The following OR52N4 variants were observed in gnomAD, a reference collection of about 807,000 sequenced individuals.
The protein encoded by OR52N4 is olfactory receptor 52N4.
OR52N4 carries 15 observed loss-of-function variants against 15.0 expected under a neutral mutation model. That is an observed-to-expected ratio of 1.00 (90% CI 0.67 to 1.54). The LOEUF (loss-of-function observed/expected upper bound fraction) is 1.54. Among genes scored for constraint, OR52N4 ranks in the 40% most tolerant of loss-of-function variants. The pLI, the probability that OR52N4 is intolerant of heterozygous loss-of-function variation, is 0.00. For synonymous variants in OR52N4, 143 were observed against 143.7 expected (o/e 1.00, Z 0.03); for missense variants, 421 against 394.0 (o/e 1.07, Z -0.58).
chr11:5,741,825 G>C, the OR52N4 span, among the ~76,000 whole-genome samples: 5 of 152,216 alleles, frequency 3.3e-5, no homozygotes, highest in East Asian at 9.7e-4. Flanking sequence ...AGCTGCCAAA[G>C]AGGCTTCACC....
rs1854305131 is a variant in OR52N4, at chr11:5,755,762, T to C, written c.*56T>C. On this transcript the variant is annotated 3_prime_UTR_variant, in exon 2 of 2. Coordinates refer to ENST00000641350, the MANE Select transcript of OR52N4 (RefSeq NM_001005175.5). The stretch of plus-strand genomic sequence containing the variant: ...GAAAGAATTACTTCTATTTGCCTCT[T>C]ATGCAGGAGTTCATAAAATCTTTCT... 2 of 1,552,498 alleles carry C rather than the reference T, an allele frequency of 1.3e-6. No homozygotes were observed. The highest frequency in any genetic ancestry group is 1.7e-6 in the Non-Finnish European group (2 of 1,152,692).
At chr11:5,744,239 T>C in the OR52N4 span, among the ~76,000 whole-genome samples, 133 of 152,214 alleles carry the variant, frequency 8.7e-4, no homozygotes, top group Non-Finnish European at 1.5e-3. Flanking sequence ...AAAAAATGCC[T>C]AGGACCAGAG....
chr11:5,740,722 G>A, the OR52N4 span, among the ~76,000 whole-genome samples: 2 of 126,882 alleles, frequency 1.6e-5, 1 homozygote, highest in South Asian at 5.4e-4. Context: ...TGGGAGAATC[G>A]CTTGAGCATG....
At chr11:5,749,815 T>C (rs1419653585), upstream of OR52N4, among the ~76,000 whole-genome samples, 1 of 151,922 alleles carries the variant, frequency 6.6e-6, no homozygotes. Context: ...TGAGGTTAGA[T>C]AGAAGATAAC....
chr11:5,745,923 T>C, the OR52N4 span, among the ~76,000 whole-genome samples: 120,296 of 152,104 alleles, frequency 0.79, 48,187 homozygotes, highest in Non-Finnish European at 0.86. Flanking sequence ...TCTTTTTTGG[T>C]GTGTCCTTAC....
chr11:5,729,051 A>G, the OR52N4 span, among the ~76,000 whole-genome samples: 1 of 138,016 alleles, frequency 7.2e-6, no homozygotes. Context: ...CCCCCACCCC[A>G]CAACAGACCC....
the OR52N4 span, chr11:5,737,625 T>G: frequency 1.3e-6 from 1 of 785,172 alleles, no homozygotes. Context: ...TGTGAAAGCT[T>G]CAGAAAAGAT....
chr11:5,755,195 T>C lies in OR52N4; in HGVS notation c.455T>C (p.Leu152Pro), dbSNP rs771108808. 1 of 1,614,070 alleles carries C rather than the reference T, an allele frequency of 6.2e-7. No individual in the cohort carries two copies. Among genetic ancestry groups the C allele is most frequent in the South Asian group, 1.1e-5 (1 of 91,078 alleles). The change falls in exon 2 of 2, where the codon CTG (leucine) becomes CCG (proline). Residue 152 changes from leucine (L) to proline (P), a missense_variant. Coordinates refer to ENST00000641350, the MANE Select transcript of OR52N4 (RefSeq NM_001005175.5). ...VIAKVGTATFLRGVLLIIPFT... is the reference protein window; with the variant it reads ...VIAKVGTATFPRGVLLIIPFT... Reference sequence around the variant, plus strand: ...GCAAAGGTTGGGACTGCCACCTTCCTGAGAGGGGTATTACTCATTATTCCC... The same window carrying C: ...GCAAAGGTTGGGACTGCCACCTTCCCGAGAGGGGTATTACTCATTATTCCC...
At chr11:5,727,903 G>A in the OR52N4 span, among the ~76,000 whole-genome samples, 25 of 152,272 alleles carry the variant, frequency 1.6e-4, no homozygotes, top group African/African-American at 5.3e-4. Flanking sequence ...AGTTAAAGCC[G>A]CAAAAAATTT....
At chr11:5,739,554 T>A in the OR52N4 span, among the ~76,000 whole-genome samples, 1 of 44,694 alleles carries the variant, frequency 2.2e-5, no homozygotes. Context: ...AGAGTGAGAC[T>A]CTGACTCAAA....
the OR52N4 span, among the ~76,000 whole-genome samples, chr11:5,730,229 G>T: frequency 1.5e-5 from 2 of 135,508 alleles, no homozygotes; most frequent in East Asian, 4.4e-4. Context: ...TCTCACTCTG[G>T]TGCCCAGGAT....
At chr11:5,744,816 GA>G in the OR52N4 span, among the ~76,000 whole-genome samples, 3 of 152,208 alleles carry the variant, frequency 2.0e-5, no homozygotes, top group Non-Finnish European at 4.4e-5. Flanking sequence ...GGGGAGCTGA[GA>G]GAGGAGGATT....
the OR52N4 span, among the ~76,000 whole-genome samples, chr11:5,740,969 G>C: frequency 1.6e-5 from 2 of 127,728 alleles, 1 homozygote. Flanking sequence ...ATGGGATGTG[G>C]ATATCTGAAA....
At chr11:5,734,247 A>C in the OR52N4 span, 2 of 454,426 alleles carry the variant, frequency 4.4e-6, no homozygotes, top group South Asian at 1.6e-5. Flanking sequence ...TAAGTGATAA[A>C]ATCTTCTCAT....
chr11:5,747,890 A>G, the OR52N4 span, among the ~76,000 whole-genome samples: 2 of 152,078 alleles, frequency 1.3e-5, no homozygotes, highest in African/African-American at 4.8e-5. Flanking sequence ...TGACAATTAG[A>G]CAACTGTATC....
At chr11:5,743,909 A>G in the OR52N4 span, among the ~76,000 whole-genome samples, 2,386 of 152,242 alleles carry the variant, frequency 0.016, 61 homozygotes, top group African/African-American at 0.055. Flanking sequence ...AAATTGAGAC[A>G]GAAAAATACA....
chr11:5,749,661 T>C (rs1332423929), upstream of OR52N4, among the ~76,000 whole-genome samples: 1 of 151,946 alleles, frequency 6.6e-6, no homozygotes, highest in Non-Finnish European at 1.5e-5. Context: ...GATAGGACTT[T>C]TGTTTCATGT....
the OR52N4 span, among the ~76,000 whole-genome samples, chr11:5,728,721 AGT>A: frequency 2.6e-5 from 4 of 152,206 alleles, no homozygotes; most frequent in African/African-American, 9.6e-5. Flanking sequence ...CAGGAATATA[AGT>A]GTTTTATTGG....
At chr11:5,753,944 G>A (rs540841978), upstream of OR52N4, among the ~76,000 whole-genome samples, 511 of 137,418 alleles carry the variant, frequency 3.7e-3, 2 homozygotes, top group Non-Finnish European at 6.3e-3. Context: ...AGCCAAGATT[G>A]CGCCACTGCA....
Sources: gnomAD v4.1 joint callset for allele counts (sites outside exome capture counted in the v4.1 genomes callset) on GRCh38, gnomAD v4.1.1 for gene constraint, MANE v1.5 for transcripts, NCBI Gene and HGNC (gene_info 2026-07-23, HGNC 2026-07-21) for gene names.